CDH18: variants seen among roughly 807,000 people sequenced by gnomAD.
CDH18 encodes cadherin-18.
In CDH18, 31 loss-of-function variants were observed where a neutral mutation model predicts 67.9. The observed-to-expected ratio is 0.46, with a 90% confidence interval of 0.34 to 0.62. The LOEUF is 0.62. Among genes scored for constraint, CDH18 ranks in the 20% least tolerant of loss-of-function variants. CDH18 has a pLI of 0.01. For missense variants in CDH18, 890 were observed against 975.5 expected, an observed-to-expected ratio of 0.91 and a Z score of 1.17; for synonymous variants, 362 against 347.2, an observed-to-expected ratio of 1.04 and a Z score of -0.48.
At chr5:20,308,309 G>T (rs1014615922) in intron 1 of CDH18, among the ~76,000 whole-genome samples, 2 of 151,940 alleles carry the variant, frequency 1.3e-5, no homozygotes, top group African/African-American at 4.8e-5. Flanking sequence ...TTGGGAGGCC[G>T]AGGTGGGTAG....
Position 20,501,215 on chromosome 5 carries a change from G to A in CDH18, c.-580+74247C>T, listed in dbSNP as rs573894801. On this transcript the variant is annotated intron_variant, in intron 1 of 14. Transcript: ENST00000507958. ...AGATCTTCCCTAGCTTTAGCAACAT[G>A]TAAAATTATTAAATGTAAATAACTG... Among the ~76,000 whole-genome samples the A allele has an allele frequency of 2.6e-5, 4 of 151,662 alleles. No individual in the cohort carries two copies. The South Asian group carries it at 8.3e-4, about 31-fold the overall frequency.
intron 3 of CDH18, among the ~76,000 whole-genome samples, chr5:19,762,604 G>C (rs1227387631): frequency 1.3e-5 from 2 of 152,118 alleles, no homozygotes; most frequent in African/African-American, 4.8e-5. Flanking sequence ...AATAACAGGT[G>C]TTGGAGAGGA....
chr5:19,660,848 C>T (rs192704243), intron 5 of CDH18, among the ~76,000 whole-genome samples: 2 of 151,966 alleles, frequency 1.3e-5, no homozygotes, highest in South Asian at 2.1e-4. Context: ...TAAGCAGAGG[C>T]CTCAATGTAG....
intron 5 of CDH18, among the ~76,000 whole-genome samples, chr5:19,669,317 A>G (rs948461205): frequency 1.4e-5 from 2 of 148,094 alleles, no homozygotes; most frequent in East Asian, 2.0e-4. Context: ...TTTGAGATGG[A>G]GTTTCATTCT....
At chr5:20,511,377 G>C (rs1319418097) in intron 1 of CDH18, among the ~76,000 whole-genome samples, 1 of 152,044 alleles carries the variant, frequency 6.6e-6, no homozygotes, top group Non-Finnish European at 1.5e-5. Context: ...ACATATACAA[G>C]AGTCAGTCCT....
chr5:20,522,845 T>G (rs1755828154), intron 1 of CDH18, among the ~76,000 whole-genome samples: 1 of 152,226 alleles, frequency 6.6e-6, no homozygotes, highest in Non-Finnish European at 1.5e-5. Flanking sequence ...GTAATTCTTC[T>G]GTAAAGCACA....
chr5:19,579,193 A>C (rs1561391166), intron 7 of CDH18, among the ~76,000 whole-genome samples: 1 of 151,880 alleles, frequency 6.6e-6, no homozygotes, highest in Non-Finnish European at 1.5e-5. Flanking sequence ...TTATAGACAT[A>C]TTTCTTTGTA....
chr5:19,988,668 C>T (rs1008678168), upstream of CDH18, among the ~76,000 whole-genome samples: 7 of 151,812 alleles, frequency 4.6e-5, no homozygotes, highest in African/African-American at 1.7e-4. Flanking sequence ...CCGGGAGGGA[C>T]CCAGGAAATA....
chr5:19,919,974 T>A (rs1418425848), intron 2 of CDH18, among the ~76,000 whole-genome samples: 6 of 152,186 alleles, frequency 3.9e-5, no homozygotes, highest in Non-Finnish European at 8.8e-5. Flanking sequence ...TAGTCATTTC[T>A]ATACTATAAA....
intron 1 of CDH18, among the ~76,000 whole-genome samples, chr5:20,520,078 G>T (rs1290036421): frequency 1.4e-5 from 2 of 147,654 alleles, no homozygotes; most frequent in Non-Finnish European, 3.0e-5. Context: ...GGGATTACAG[G>T]TGTGAGCCAC....
chr5:19,533,578 T>G (rs1748984284), intron 9 of CDH18, among the ~76,000 whole-genome samples: 1 of 152,112 alleles, frequency 6.6e-6, no homozygotes, highest in Non-Finnish European at 1.5e-5. Context: ...ATAAAGCATG[T>G]TTTTGAGGAC....
At chr5:20,111,450 C>G (rs1211787642) in intron 2 of CDH18, among the ~76,000 whole-genome samples, 1 of 151,796 alleles carries the variant, frequency 6.6e-6, no homozygotes, top group Non-Finnish European at 1.5e-5. Context: ...AGGGTGGGAC[C>G]ATGTCCCTAC....
At chr5:19,621,959 A>G (rs1456123823) in intron 5 of CDH18, among the ~76,000 whole-genome samples, 1 of 152,166 alleles carries the variant, frequency 6.6e-6, no homozygotes, top group Admixed American at 6.5e-5. Flanking sequence ...AGCATATAGA[A>G]TTCTGTTGCC....
intron 2 of CDH18, among the ~76,000 whole-genome samples, chr5:20,172,208 A>ATATG (rs1554098724): frequency 1.5e-5 from 1 of 66,538 alleles, no homozygotes; most frequent in Non-Finnish European, 2.8e-5. Flanking sequence ...ATATATATAT[A>ATATG]TATATATATA....
intron 3 of CDH18, among the ~76,000 whole-genome samples, chr5:19,807,364 G>A (rs1778146815): frequency 6.6e-6 from 1 of 152,110 alleles, no homozygotes; most frequent in South Asian, 2.1e-4. Flanking sequence ...AAAATACAGT[G>A]TTATAATTTT....
chr5:19,756,428 A>C (rs897388965), intron 3 of CDH18, among the ~76,000 whole-genome samples: 1 of 152,214 alleles, frequency 6.6e-6, no homozygotes, highest in Non-Finnish European at 1.5e-5. Context: ...CAAGGACCTC[A>C]GCAGGTCATG....
At chr5:20,039,914 T>C (rs188650847) in intron 2 of CDH18, among the ~76,000 whole-genome samples, 42 of 152,240 alleles carry the variant, frequency 2.8e-4, no homozygotes, top group Middle Eastern at 3.4e-3. Flanking sequence ...GCAGGCAACC[T>C]ACAGAATGGG....
intron 1 of CDH18, among the ~76,000 whole-genome samples, chr5:20,514,015 C>T (rs898219442): frequency 6.6e-6 from 1 of 152,092 alleles, no homozygotes; most frequent in African/African-American, 2.4e-5. Context: ...CTTTACTCAT[C>T]AGATTGCACT....
rs970737768 is a variant in CDH18, at chr5:19,608,877, G to A, written c.811+3557C>T. On this transcript the variant is annotated intron_variant, in intron 6 of 12. Transcript: ENST00000382275. ...ATTGTGATTATTTGGCATGTGTTAT[G>A]CTTCTTTCTGTTACTAGATGACTTA... Among the ~76,000 whole-genome samples, 5 of 151,834 alleles carry A rather than the reference G, an allele frequency of 3.3e-5. 1 individual carries two copies. The highest frequency in any genetic ancestry group is 3.3e-4 in the Admixed American group (5 of 15,212).
Sources: gnomAD v4.1 joint callset for allele counts (sites outside exome capture counted in the v4.1 genomes callset) on GRCh38, gnomAD v4.1.1 for gene constraint, MANE v1.5 for transcripts, NCBI Gene and HGNC (gene_info 2026-07-23, HGNC 2026-07-21) for gene names.